PIK3C3: variants seen among roughly 807,000 people sequenced by gnomAD.
The protein encoded by PIK3C3 is PI3-kinase type 3.
A neutral mutation model predicts 126.1 loss-of-function variants in PIK3C3; 95 were observed. That is an observed-to-expected ratio of 0.75 (90% CI 0.64 to 0.89). PIK3C3 has a LOEUF of 0.89. Among genes scored for constraint, PIK3C3 ranks in the 40% least tolerant of loss-of-function variants. The probability of loss-of-function intolerance (pLI) is 0.00; values close to 1 mark genes in which losing one functional copy is unlikely to be tolerated. For missense variants in PIK3C3, 829 were observed against 1,063.2 expected, an observed-to-expected ratio of 0.78 and a Z score of 3.06; for synonymous variants, 374 against 360.0, an observed-to-expected ratio of 1.04 and a Z score of -0.44.
At chr18:41,974,368 G>A (rs141582187) in intron 4 of PIK3C3, among the ~76,000 whole-genome samples, 194 of 152,208 alleles carry the variant, frequency 1.3e-3, no homozygotes, top group African/African-American at 3.7e-3. Flanking sequence ...TGAATTTAGC[G>A]GAATTAACCT....
chr18:42,016,499 C>T (rs1037713249), intron 12 of PIK3C3, among the ~76,000 whole-genome samples: 6 of 152,086 alleles, frequency 3.9e-5, no homozygotes, highest in African/African-American at 1.4e-4. Flanking sequence ...GGGGTTGATG[C>T]AGCAGAAAAC....
At chr18:42,035,105 A>T (rs1415418966) in intron 16 of PIK3C3, among the ~76,000 whole-genome samples, 1 of 152,224 alleles carries the variant, frequency 6.6e-6, no homozygotes, top group Non-Finnish European at 1.5e-5. Flanking sequence ...TGCAAGTTAA[A>T]AATACTGGTA....
intron 13 of PIK3C3, chr18:42,025,700 T>C (rs1033405593): frequency 1.3e-5 from 2 of 152,192 alleles, no homozygotes; most frequent in Non-Finnish European, 2.9e-5. Flanking sequence ...GAAAAGGGGA[T>C]CTGGTCCTTG....
chr18:41,973,402 G>T lies in PIK3C3; in HGVS notation c.531+2946G>T, dbSNP rs1024782807. On this transcript the variant is annotated intron_variant, in intron 4 of 24. Transcript: ENST00000262039. ...CCTTATACTTGAGAAAATATATTTTGATACTTGTATGGTCTTAATTTACTC... is the reference window on the plus strand; with the variant it reads ...CCTTATACTTGAGAAAATATATTTTTATACTTGTATGGTCTTAATTTACTC... Among the ~76,000 whole-genome samples, 7 of 151,978 alleles carry T rather than the reference G, an allele frequency of 4.6e-5. No individual in the cohort carries two copies. The East Asian group carries it at 1.4e-3, about 29-fold the overall frequency.
intron 24 of PIK3C3, among the ~76,000 whole-genome samples, chr18:42,069,469 T>G (rs182892520): frequency 8.3e-4 from 126 of 152,330 alleles, no homozygotes; most frequent in African/African-American, 2.7e-3. Context: ...AAACCAGATC[T>G]TTTCAGTGTC....
At chr18:42,063,522 TAA>T (rs1358052879) in intron 22 of PIK3C3, among the ~76,000 whole-genome samples, 1 of 152,200 alleles carries the variant, frequency 6.6e-6, no homozygotes, top group Non-Finnish European at 1.5e-5. Context: ...CCTAAGAGTT[TAA>T]GTGGGTTAGG....
At chr18:42,052,189 G>T (rs1180843650) in intron 21 of PIK3C3, among the ~76,000 whole-genome samples, 1 of 151,950 alleles carries the variant, frequency 6.6e-6, no homozygotes, top group Non-Finnish European at 1.5e-5. Flanking sequence ...GTTTTGATGG[G>T]GGTATTTAAG....
chr18:42,049,494 A>G (rs376141738), intron 20 of PIK3C3, 37 bp from the exon 21 acceptor site: 13 of 1,519,446 alleles, frequency 8.6e-6, no homozygotes, highest in South Asian at 1.1e-5. Flanking sequence ...CCTGGTTTGC[A>G]TTTGTTTTCA....
chr18:41,955,491 T>G (rs2144278970), intron 1 of PIK3C3, 132 bp downstream of exon 1: 4 of 728,864 alleles, frequency 5.5e-6, no homozygotes, highest in Non-Finnish European at 4.7e-6. Context: ...CTGTGAGGGC[T>G]GTAGCCAGGG....
At chr18:42,047,070 C>A (rs192952798) in intron 20 of PIK3C3, among the ~76,000 whole-genome samples, 53 of 152,064 alleles carry the variant, frequency 3.5e-4, no homozygotes, top group Admixed American at 1.2e-3. Context: ...CATGTATATC[C>A]AGTTACATGA....
chr18:41,973,360 C>T (rs1980761386), intron 4 of PIK3C3, among the ~76,000 whole-genome samples: 1 of 151,956 alleles, frequency 6.6e-6, no homozygotes, highest in Non-Finnish European at 1.5e-5. Context: ...TCTTTCCTCA[C>T]CTAAAACATG....
In PIK3C3 at chr18:42,001,785, TATA is replaced by T. The variant is rs1186468452; in HGVS notation, c.985-2566_985-2564del. Among the ~76,000 whole-genome samples the T allele has an allele frequency of 4.6e-5, 7 of 152,200 alleles. No homozygotes were observed. The East Asian group carries it at 1.3e-3, about 29-fold the overall frequency. On this transcript the variant is annotated intron_variant, in intron 9 of 24. Coordinates refer to ENST00000262039, the MANE Select transcript of PIK3C3 (RefSeq NM_002647.4). ...ACATCGGCATGCTACAAGATTTGCT[TATA>T]ATAAGTACATACCCGCACATTTCTA...
intron 4 of PIK3C3, among the ~76,000 whole-genome samples, chr18:41,982,827 T>C (rs1275066088): frequency 6.6e-6 from 1 of 152,216 alleles, no homozygotes; most frequent in African/African-American, 2.4e-5. Flanking sequence ...ATCTGTGTGC[T>C]TAATTGAATC....
intron 4 of PIK3C3, among the ~76,000 whole-genome samples, chr18:41,976,838 G>A (rs1003210575): frequency 1.3e-5 from 2 of 152,214 alleles, no homozygotes; most frequent in African/African-American, 2.4e-5. Context: ...TTCATGAAAA[G>A]ATGAAAGCGT....
At chr18:42,057,322 T>C (rs1985114910) in intron 21 of PIK3C3, among the ~76,000 whole-genome samples, 1 of 152,190 alleles carries the variant, frequency 6.6e-6, no homozygotes, top group African/African-American at 2.4e-5. Context: ...CAGTCTTTCT[T>C]ACATATTAGT....
chr18:41,998,960 A>T (rs1982154348), intron 9 of PIK3C3, among the ~76,000 whole-genome samples: 1 of 152,182 alleles, frequency 6.6e-6, no homozygotes. Context: ...CCTGGGGCTG[A>T]AAAGCTTTTC....
At position 41,974,097 on chromosome 18, in the gene PIK3C3, C is replaced by CT. The variant is rs1397380435; in HGVS notation, c.531+3643dup. Among the ~76,000 whole-genome samples, 5 of 152,140 alleles carry CT rather than the reference C, an allele frequency of 3.3e-5. No individual in the cohort carries two copies. The East Asian group carries it at 9.6e-4, about 29-fold the overall frequency. ...ACTGCAGTATGAGAGAGTTTACTCA[C>CT]TTATAGAACTACTTCAGTCTTGATT... On this transcript the variant is annotated intron_variant, in intron 4 of 24. Transcript: ENST00000262039.
chr18:42,055,783 T>C (rs8088187), intron 21 of PIK3C3, among the ~76,000 whole-genome samples: 5,463 of 152,120 alleles, frequency 0.036, 316 homozygotes, highest in African/African-American at 0.12. Context: ...TGGACACGTT[T>C]AATTATTAAA....
At chr18:42,028,585 C>T (rs990575777) in intron 14 of PIK3C3, among the ~76,000 whole-genome samples, 2 of 152,150 alleles carry the variant, frequency 1.3e-5, no homozygotes, top group Admixed American at 6.5e-5. Flanking sequence ...CTTTTGTATT[C>T]GTTCCCAAAG....
Sources: allele counts gnomAD v4.1 joint callset (sites outside exome capture counted in the v4.1 genomes callset), GRCh38; gene constraint gnomAD v4.1.1; transcripts MANE v1.5; gene names NCBI Gene and HGNC (gene_info 2026-07-23, HGNC 2026-07-21).